Variants in SEPTIN7 observed in about 807,000 individuals in gnomAD.
The protein encoded by SEPTIN7 is septin-7.
SEPTIN7 carries 10 observed loss-of-function variants against 63.3 expected under a neutral mutation model. That is an observed-to-expected ratio of 0.16 (90% CI 0.10 to 0.27). The LOEUF is 0.27. Among genes scored for constraint, SEPTIN7 ranks in the 10% least tolerant of loss-of-function variants. The pLI, the probability that SEPTIN7 is intolerant of heterozygous loss-of-function variation, is 1.00. For synonymous variants in SEPTIN7, 131 were observed against 165.3 expected (o/e 0.79, Z 1.59); for missense variants, 310 against 521.0 (o/e 0.59, Z 3.94).
chr7:35,816,199 C>T (rs1789048464), intron 1 of SEPTIN7, among the ~76,000 whole-genome samples: 2 of 152,152 alleles, frequency 1.3e-5, no homozygotes, highest in African/African-American at 4.8e-5. Flanking sequence ...TCATCAGCCC[C>T]AAATGAAACT....
chr7:35,812,801 ATAACT>A (rs931231074), intron 1 of SEPTIN7, among the ~76,000 whole-genome samples: 1 of 152,212 alleles, frequency 6.6e-6, no homozygotes, highest in African/African-American at 2.4e-5. Flanking sequence ...CTTTTACAAA[ATAACT>A]TACCTATTAT....
Position 35,885,848 on chromosome 7 carries a change from G to A in SEPTIN7, c.841G>A (p.Asp281Asn). Residue 281 changes from aspartate (D) to asparagine (N), a missense_variant, in exon 10 of 14, where the codon GAT becomes AAT. Transcript: ENST00000350320. ...TACAGTTGAAAATGGTGAACATTGTGATTTTACAATCCTAAGAAATATGTT... is the reference window on the plus strand; with the variant it reads ...TACAGTTGAAAATGGTGAACATTGTAATTTTACAATCCTAAGAAATATGTT... ...VAEVENGEHCDFTILRNMLIR... is the reference protein window; with the variant it reads ...VAEVENGEHCNFTILRNMLIR... 6.2e-7 allele frequency: 1 copy of A among 1,606,304 alleles called. No individual in the cohort carries two copies. Among genetic ancestry groups the A allele is most frequent in the Non-Finnish European group, 8.5e-7 (1 of 1,174,762 alleles).
At position 35,872,679 on chromosome 7, in the gene SEPTIN7, A is replaced by G. The variant is rs749730840; in HGVS notation, c.290A>G (p.Lys97Arg). Residue 97 changes from lysine to arginine, a missense_variant, in exon 5 of 14, where the codon AAA becomes AGA. Physicochemically the swap from Lys to Arg is conservative, Grantham distance 26. Coordinates refer to ENST00000350320, the MANE Select transcript of SEPTIN7 (RefSeq NM_001788.6). ...IKKTVQVEQS[K>R]VLIKEGGVQL... ...TTACTCTTACAGGTGGAACAATCCAAAGTTTTAATCAAAGAAGGTGGTGTT... is the reference window on the plus strand; with the variant it reads ...TTACTCTTACAGGTGGAACAATCCAGAGTTTTAATCAAAGAAGGTGGTGTT... 5 of 1,611,876 alleles carry G rather than the reference A, an allele frequency of 3.1e-6. No individual in the cohort carries two copies. Among genetic ancestry groups the G allele is most frequent in the East Asian group, 4.5e-5 (2 of 44,856 alleles).
At chr7:35,865,108 CTTAT>C (rs1047547440) in intron 4 of SEPTIN7, among the ~76,000 whole-genome samples, 4 of 151,402 alleles carry the variant, frequency 2.6e-5, no homozygotes, top group African/African-American at 4.9e-5. Flanking sequence ...TTCCTACATG[CTTAT>C]TTATTTTGTG....
rs570095053 is a variant in SEPTIN7, at chr7:35,801,200, G to A, written c.-10G>A. 2.6e-4 allele frequency: 396 copies of A among 1,503,996 alleles called. No individual in the cohort carries two copies. Among genetic ancestry groups the A allele is most frequent in the Middle Eastern group, 1.1e-3 (5 of 4,708 alleles). The allele number at this position is 1,503,996 out of a possible 1,614,324, so 93.2% of individuals were successfully genotyped here. A position where few individuals can be genotyped will look rare whatever the true frequency, so the allele number is the denominator to read the frequency against. ...GCTCCGCTGGGGCTGGTCGCGGAGGGGGGGAGGGGATGTCGGTCAGTGCGA... is the reference window on the plus strand; with the variant it reads ...GCTCCGCTGGGGCTGGTCGCGGAGGAGGGGAGGGGATGTCGGTCAGTGCGA... On this transcript the variant is annotated 5_prime_UTR_variant, in exon 1 of 14. Coordinates refer to ENST00000350320, the MANE Select transcript of SEPTIN7 (RefSeq NM_001788.6).
At chr7:35,873,858 G>A (rs1391698139) in intron 6 of SEPTIN7, 83 bp downstream of exon 6, 20 of 1,299,364 alleles carry the variant, frequency 1.5e-5, no homozygotes, top group South Asian at 5.2e-5. Context: ...TAATCTTTAA[G>A]TTTGTGAAGT....
intron 4 of SEPTIN7, among the ~76,000 whole-genome samples, chr7:35,865,288 T>A (rs1785747058): frequency 6.6e-6 from 1 of 152,200 alleles, no homozygotes; most frequent in East Asian, 1.9e-4. Context: ...GAACCCTAGT[T>A]TCTTCTGTGT....
Position 35,904,422 on chromosome 7 carries a change from A to G in SEPTIN7, c.*129A>G. The G allele has an allele frequency of 1.5e-6, 1 of 657,054 alleles. No individual in the cohort carries two copies. Among genetic ancestry groups the G allele is most frequent in the South Asian group, 3.4e-5 (1 of 29,372 alleles). 40.7% of individuals were successfully genotyped at this position (657,054 alleles called of 1,614,324 possible). On this transcript the variant is annotated 3_prime_UTR_variant, in exon 14 of 14. Coordinates refer to ENST00000350320, the MANE Select transcript of SEPTIN7 (RefSeq NM_001788.6). ...ATGATGGATTTAACAGCATGACAAAAATTATTTTTTTTTTTGTTCTTGATG... is the reference window on the plus strand; with the variant it reads ...ATGATGGATTTAACAGCATGACAAAGATTATTTTTTTTTTTGTTCTTGATG...
At chr7:35,821,280 GA>G (rs1789395068) in intron 1 of SEPTIN7, among the ~76,000 whole-genome samples, 1 of 152,168 alleles carries the variant, frequency 6.6e-6, no homozygotes, top group South Asian at 2.1e-4. Context: ...AAGTTGATTT[GA>G]ACAGTTTGTG....
chr7:35,908,689 CTTTGT>C (rs894729399), downstream of SEPTIN7, among the ~76,000 whole-genome samples: 20 of 152,256 alleles, frequency 1.3e-4, no homozygotes, highest in African/African-American at 4.3e-4. Flanking sequence ...TTTTTGTTCT[CTTTGT>C]TCTCTCTTCG....
chr7:35,872,123 A>G (rs1229085672), intron 4 of SEPTIN7, among the ~76,000 whole-genome samples: 1 of 152,208 alleles, frequency 6.6e-6, no homozygotes, highest in Non-Finnish European at 1.5e-5. Context: ...TAGCCATAAC[A>G]TAAATACAAG....
intron 1 of SEPTIN7, among the ~76,000 whole-genome samples, chr7:35,823,439 G>A (rs915373391): frequency 2.6e-5 from 4 of 152,108 alleles, no homozygotes; most frequent in African/African-American, 9.7e-5. Flanking sequence ...GACCTCAGGT[G>A]ATCTGCCCGC....
chr7:35,883,572 GT>G (rs1192874759), intron 8 of SEPTIN7, among the ~76,000 whole-genome samples: 1 of 147,908 alleles, frequency 6.8e-6, no homozygotes, highest in African/African-American at 2.5e-5. Context: ...TGCCAATATA[GT>G]TTTTACCTTT....
chr7:35,830,601 TTGGA>T (rs1366283190), intron 1 of SEPTIN7, among the ~76,000 whole-genome samples: 1 of 152,194 alleles, frequency 6.6e-6, no homozygotes, highest in Non-Finnish European at 1.5e-5. Context: ...TCGGAAGTCA[TTGGA>T]TGATTTTGTC....
At chr7:35,886,527 A>G (rs1787257000) in intron 10 of SEPTIN7, among the ~76,000 whole-genome samples, 1 of 152,202 alleles carries the variant, frequency 6.6e-6, no homozygotes, top group South Asian at 2.1e-4. Flanking sequence ...GTTAGTAGAC[A>G]AGGAACAGAA....
intron 9 of SEPTIN7, among the ~76,000 whole-genome samples, chr7:35,885,299 C>T (rs988254742): frequency 2.6e-5 from 4 of 152,166 alleles, no homozygotes; most frequent in African/African-American, 9.7e-5. Flanking sequence ...GGCTTTAGAA[C>T]TTACCCCTTA....
intron 3 of SEPTIN7, among the ~76,000 whole-genome samples, chr7:35,854,171 C>T (rs1395937535): frequency 1.3e-5 from 2 of 152,148 alleles, no homozygotes; most frequent in Non-Finnish European, 2.9e-5. Context: ...AAATCCAACA[C>T]GCTTCTGGTC....
intron 9 of SEPTIN7, among the ~76,000 whole-genome samples, chr7:35,884,812 G>A (rs1787127918): frequency 6.6e-6 from 1 of 152,020 alleles, no homozygotes; most frequent in South Asian, 2.1e-4. Context: ...TTTTTAACCT[G>A]CTATCTTAAA....
At position 35,844,892 on chromosome 7, in the gene SEPTIN7, T is replaced by C. The variant is rs1053499400; in HGVS notation, c.169+11992T>C. ...AGGTATGAGCCATTGCTCCAAACCT[T>C]ACCTTGTCTTTTCTAATCCAAGCAT... On this transcript the variant is annotated intron_variant, in intron 3 of 13. Transcript: ENST00000350320. 2.6e-5 allele frequency among the ~76,000 whole-genome samples: 4 copies of C among 152,148 alleles called. No homozygotes were observed. The South Asian group carries it at 8.3e-4, about 31-fold the overall frequency.
Sources: allele counts gnomAD v4.1 joint callset (sites outside exome capture counted in the v4.1 genomes callset), GRCh38; gene constraint gnomAD v4.1.1; transcripts MANE v1.5; gene names NCBI Gene and HGNC (gene_info 2026-07-23, HGNC 2026-07-21).